Variants in PLSCR1 observed in about 807,000 individuals in gnomAD.
The protein encoded by PLSCR1 is PL scramblase 1.
In PLSCR1, 17 loss-of-function variants were observed where a neutral mutation model predicts 37.8. The observed-to-expected ratio is 0.45, with a 90% confidence interval of 0.31 to 0.68. The LOEUF (loss-of-function observed/expected upper bound fraction) is 0.68. Among genes scored for constraint, PLSCR1 ranks in the 30% least tolerant of loss-of-function variants. The pLI is 0.06. For missense variants in PLSCR1, 347 were observed against 380.9 expected (o/e 0.91, Z 0.74); for synonymous variants, 116 against 125.9 (o/e 0.92, Z 0.53).
chr3:146,539,325 T>A (rs1421170202), intron 1 of PLSCR1, among the ~76,000 whole-genome samples: 1 of 152,176 alleles, frequency 6.6e-6, no homozygotes, highest in Non-Finnish European at 1.5e-5. Context: ...CAGGTGGTAA[T>A]GTATGTGAGC....
At chr3:146,529,234 T>C (rs1433735917) in intron 3 of PLSCR1, among the ~76,000 whole-genome samples, 1 of 152,204 alleles carries the variant, frequency 6.6e-6, no homozygotes, top group African/African-American at 2.4e-5. Flanking sequence ...AAGTATCTTG[T>C]GAAAAATGAT....
intron 3 of PLSCR1, among the ~76,000 whole-genome samples, chr3:146,529,686 G>GT (rs1318902677): frequency 1.3e-5 from 2 of 151,966 alleles, no homozygotes; most frequent in African/African-American, 4.8e-5. Flanking sequence ...CTAATTTTTT[G>GT]TATTTTTTAG....
intron 2 of PLSCR1, among the ~76,000 whole-genome samples, chr3:146,536,073 G>A (rs574513544): frequency 6.6e-6 from 1 of 152,024 alleles, no homozygotes; most frequent in Admixed American, 6.5e-5. Context: ...ATTTTCTTGA[G>A]AGAAAAAAAG....
intron 1 of PLSCR1, among the ~76,000 whole-genome samples, chr3:146,538,792 C>A (rs1040571424): frequency 3.3e-5 from 5 of 151,960 alleles, no homozygotes; most frequent in African/African-American, 1.2e-4. Context: ...ATCTATACAT[C>A]TGAAATAGAA....
At chr3:146,527,994 A>T (rs547238586) in intron 4 of PLSCR1, 1 of 152,336 alleles carries the variant, frequency 6.6e-6, no homozygotes, top group Non-Finnish European at 1.5e-5. Flanking sequence ...TCTTCCAAAG[A>T]ACAAAAGCAG....
At chr3:146,523,485 G>A (rs1000560812) in intron 5 of PLSCR1, among the ~76,000 whole-genome samples, 1 of 152,142 alleles carries the variant, frequency 6.6e-6, no homozygotes, top group Non-Finnish European at 1.5e-5. Context: ...CCTTACTTAT[G>A]TCTTATTTTT....
intron 2 of PLSCR1, among the ~76,000 whole-genome samples, chr3:146,535,248 A>AACACACACAC (rs140749399): frequency 4.0e-5 from 6 of 151,344 alleles, no homozygotes; most frequent in Non-Finnish European, 8.8e-5. Context: ...TATAACATAG[A>AACACACACAC]ACACACACAC....
intron 4 of PLSCR1, among the ~76,000 whole-genome samples, chr3:146,527,024 C>T (rs796963474): frequency 2.9e-4 from 44 of 152,214 alleles, no homozygotes; most frequent in African/African-American, 1.0e-3. Context: ...TGTAGCCCAG[C>T]TACTTGGGAG....
At chr3:146,532,065 T>C (rs548985427) in intron 3 of PLSCR1, among the ~76,000 whole-genome samples, 2 of 152,302 alleles carry the variant, frequency 1.3e-5, no homozygotes, top group African/African-American at 2.4e-5. Context: ...AAATTATCCT[T>C]ACTCTTAGCA....
At chr3:146,523,117 C>G (rs1680444736) in intron 5 of PLSCR1, among the ~76,000 whole-genome samples, 1 of 152,144 alleles carries the variant, frequency 6.6e-6, no homozygotes, top group Non-Finnish European at 1.5e-5. Flanking sequence ...AATGCCAGTC[C>G]CCTGGGCCCA....
intron 5 of PLSCR1, 74 bp downstream of exon 5, chr3:146,525,531 T>C: frequency 2.6e-6 from 2 of 760,100 alleles, no homozygotes; most frequent in Non-Finnish European, 4.7e-6. Flanking sequence ...GTTATATTTG[T>C]GGAGGTCAAT....
At chr3:146,526,198 A>AG (rs1288233455) in intron 4 of PLSCR1, among the ~76,000 whole-genome samples, 1 of 146,848 alleles carries the variant, frequency 6.8e-6, no homozygotes, top group Non-Finnish European at 1.5e-5. Context: ...AAAAAAAAAA[A>AG]AAAAAAGAAA....
chr3:146,531,273 C>A (rs906450660), intron 3 of PLSCR1, among the ~76,000 whole-genome samples: 11 of 152,132 alleles, frequency 7.2e-5, no homozygotes, highest in Admixed American at 2.0e-4. Context: ...GCCAGTCTAG[C>A]TGAATAACAG....
Position 146,528,785 on chromosome 3 carries a change from T to TGGGTAGCTGACCTGGGGCCCA in PLSCR1, c.120_140dup (p.Gly41_Pro47dup). ...GACCTGAATGGCCGGCTGGTGGGGGTGGGTAGCTGACCTGGGGCCCAGGGT... is the reference window on the plus strand; with the variant it reads ...GACCTGAATGGCCGGCTGGTGGGGGTGGGTAGCTGACCTGGGGCCCAGGGTAGCTGACCTGGGGCCCAGGGT... On this transcript the variant is annotated inframe_insertion, in exon 4 of 9. Coordinates refer to ENST00000342435, the MANE Select transcript of PLSCR1 (RefSeq NM_021105.3). 1.9e-6 allele frequency: 3 copies of TGGGTAGCTGACCTGGGGCCCA among 1,613,814 alleles called. No individual in the cohort carries two copies. Among genetic ancestry groups the TGGGTAGCTGACCTGGGGCCCA allele is most frequent in the Non-Finnish European group, 2.5e-6 (3 of 1,179,924 alleles).
chr3:146,538,231 A>G (rs1335132305), intron 1 of PLSCR1, among the ~76,000 whole-genome samples: 1 of 152,214 alleles, frequency 6.6e-6, no homozygotes, highest in Non-Finnish European at 1.5e-5. Context: ...AACACATGTA[A>G]CCAAAGTAGA....
intron 2 of PLSCR1, among the ~76,000 whole-genome samples, chr3:146,535,006 TC>T (rs1320818266): frequency 6.6e-6 from 1 of 152,144 alleles, no homozygotes; most frequent in Non-Finnish European, 1.5e-5. Flanking sequence ...TCCCCATCAT[TC>T]TTTCCCATCC....
chr3:146,535,490 A>G (rs532509145), intron 2 of PLSCR1, among the ~76,000 whole-genome samples: 2 of 152,290 alleles, frequency 1.3e-5, no homozygotes, highest in South Asian at 4.1e-4. Context: ...AGTCTATCAC[A>G]TTGTCTTAAA....
chr3:146,533,431 A>G (rs748150757), intron 3 of PLSCR1, 39 bp downstream of exon 3: 1 of 1,136,834 alleles, frequency 8.8e-7, no homozygotes, highest in Admixed American at 1.7e-5. Context: ...TCTGTCTCTC[A>G]ATTAATTTTA....
chr3:146,522,921 C>T (rs2044049075), intron 5 of PLSCR1, among the ~76,000 whole-genome samples: 2 of 152,314 alleles, frequency 1.3e-5, no homozygotes, highest in South Asian at 4.1e-4. Context: ...ACATCAAAAG[C>T]ACAGCACCTT....
Sources: gnomAD v4.1 joint callset for allele counts (sites outside exome capture counted in the v4.1 genomes callset) on GRCh38, gnomAD v4.1.1 for gene constraint, MANE v1.5 for transcripts, NCBI Gene and HGNC (gene_info 2026-07-23, HGNC 2026-07-21) for gene names.